Variants in NRXN3 observed in about 807,000 individuals in gnomAD.
NRXN3 encodes neurexin III.
Under a neutral mutation model 137.6 loss-of-function variants are expected in NRXN3, and 32 were observed. That is an observed-to-expected ratio of 0.23 (90% CI 0.18 to 0.31). NRXN3 has a LOEUF of 0.31. NRXN3 is among the 10% of genes least tolerant of loss of function. The pLI, the probability that NRXN3 is intolerant of heterozygous loss-of-function variation, is 1.00. For synonymous variants in NRXN3, 798 were observed against 784.5 expected (o/e 1.02, Z -0.29); for missense variants, 1,574 against 2,062.5 (o/e 0.76, Z 4.59).
At chr14:79,590,416 TAAAAA>T (rs11419735) in intron 16 of NRXN3, among the ~76,000 whole-genome samples, 5 of 92,272 alleles carry the variant, frequency 5.4e-5, no homozygotes, top group South Asian at 4.7e-4. Context: ...TTTCTTTTGT[TAAAAA>T]AAAAAAAAAA....
intron 14 of NRXN3, among the ~76,000 whole-genome samples, chr14:78,982,604 ATAAAAT>A: frequency 6.6e-6 from 1 of 151,988 alleles, no homozygotes; most frequent in East Asian, 2.0e-4. Flanking sequence ...ACGCAGAAAA[ATAAAAT>A]TGTACCCTTT....
chr14:79,548,443 A>G (rs7145283), intron 16 of NRXN3, among the ~76,000 whole-genome samples: 26,547 of 152,094 alleles, frequency 0.17, 3,574 homozygotes, highest in African/African-American at 0.37. Flanking sequence ...TATCATTGAT[A>G]GACATTTGGG....
chr14:79,349,061 T>C (rs2093057212), intron 15 of NRXN3, among the ~76,000 whole-genome samples: 1 of 152,318 alleles, frequency 6.6e-6, no homozygotes, highest in East Asian at 1.9e-4. Context: ...TAAATTAGCA[T>C]GGATTGCCAT....
chr14:78,696,010 C>T (rs2152786510), intron 6 of NRXN3, among the ~76,000 whole-genome samples: 1 of 152,138 alleles, frequency 6.6e-6, no homozygotes, highest in Non-Finnish European at 1.5e-5. Flanking sequence ...GAGTCTTCCT[C>T]AAGGCTTTGG....
At chr14:78,288,819 T>C (rs1236721846) in intron 3 of NRXN3, among the ~76,000 whole-genome samples, 5 of 152,166 alleles carry the variant, frequency 3.3e-5, no homozygotes, top group African/African-American at 7.2e-5. Context: ...AGCTTGGGAA[T>C]ATGCTGGAGA....
intron 20 of NRXN3, among the ~76,000 whole-genome samples, chr14:79,847,892 T>C (rs1310566820): frequency 6.6e-6 from 1 of 152,092 alleles, no homozygotes; most frequent in Non-Finnish European, 1.5e-5. Context: ...TTTTTTTTTT[T>C]TTCATTTTGT....
chr14:78,185,282 G>A (rs137886271), intron 1 of NRXN3, among the ~76,000 whole-genome samples: 1 of 152,308 alleles, frequency 6.6e-6, no homozygotes, highest in Non-Finnish European at 1.5e-5. Context: ...CCTCCTGCCA[G>A]TGAAGGGAGT....
At chr14:79,079,792 A>G (rs1222175954) in intron 15 of NRXN3, among the ~76,000 whole-genome samples, 2 of 152,124 alleles carry the variant, frequency 1.3e-5, no homozygotes, top group African/African-American at 4.8e-5. Context: ...GTTCGAGACC[A>G]GTCTGACTAA....
chr14:79,709,561 A>G (rs1480777289), intron 19 of NRXN3, among the ~76,000 whole-genome samples: 1 of 152,120 alleles, frequency 6.6e-6, no homozygotes, highest in Admixed American at 6.5e-5. Context: ...GAAGGATGTG[A>G]ATGATTTTAA....
chr14:79,133,748 A>G (rs2057874246), intron 15 of NRXN3, among the ~76,000 whole-genome samples: 1 of 151,732 alleles, frequency 6.6e-6, no homozygotes, highest in African/African-American at 2.4e-5. Flanking sequence ...ACATGGTGAA[A>G]TCCTGTCTCT....
rs144713450 is a variant in NRXN3, at chr14:78,896,877, T to C, written c.2276-60365T>C. 5.9e-4 allele frequency among the ~76,000 whole-genome samples: 90 copies of C among 151,994 alleles called. No homozygotes were observed. In the East Asian group the frequency reaches 8.5e-3, roughly 14 times the overall value. On this transcript the variant is annotated intron_variant, in intron 10 of 20. Coordinates refer to ENST00000335750, the MANE Select transcript of NRXN3 (RefSeq NM_001330195.2). Reference sequence around the variant, plus strand: ...AAATGGTAGAACATAGTTAGAAAAGTAAATTGGGCAGAATTGGTGACAGGG... The same window carrying C: ...AAATGGTAGAACATAGTTAGAAAAGCAAATTGGGCAGAATTGGTGACAGGG...
chr14:78,847,915 G>A (rs1040432686), intron 10 of NRXN3, among the ~76,000 whole-genome samples: 1 of 152,078 alleles, frequency 6.6e-6, no homozygotes, highest in Non-Finnish European at 1.5e-5. Flanking sequence ...GAGGATTTAG[G>A]AAAGAACTAA....
At chr14:78,717,101 C>T (rs528946314) in intron 8 of NRXN3, among the ~76,000 whole-genome samples, 5 of 152,142 alleles carry the variant, frequency 3.3e-5, no homozygotes, top group Non-Finnish European at 7.3e-5. Flanking sequence ...TCTATGAAGA[C>T]AGTATAAAGG....
intron 6 of NRXN3, among the ~76,000 whole-genome samples, chr14:78,689,065 G>A (rs1427841349): frequency 6.6e-6 from 1 of 152,026 alleles, no homozygotes; most frequent in Non-Finnish European, 1.5e-5. Context: ...AAGAACTGTG[G>A]AATAAAGATA....
At chr14:79,587,313 GCTT>G (rs1215032167) in intron 16 of NRXN3, among the ~76,000 whole-genome samples, 1 of 152,112 alleles carries the variant, frequency 6.6e-6, no homozygotes, top group African/African-American at 2.4e-5. Context: ...GTTTCCTTTG[GCTT>G]CTTCTTGGAA....
At chr14:78,183,552 T>A (rs1217174483) in intron 1 of NRXN3, among the ~76,000 whole-genome samples, 2 of 152,170 alleles carry the variant, frequency 1.3e-5, no homozygotes, top group Non-Finnish European at 1.5e-5. Flanking sequence ...AATATTAAAT[T>A]CCTGAAAGGT....
At chr14:78,306,305 G>T (rs531144107) in intron 4 of NRXN3, among the ~76,000 whole-genome samples, 1 of 152,130 alleles carries the variant, frequency 6.6e-6, no homozygotes, top group East Asian at 1.9e-4. Context: ...CTCCTCTAAG[G>T]TATGAATAAT....
chr14:78,506,631 T>G (rs921757421), intron 4 of NRXN3, among the ~76,000 whole-genome samples: 1 of 149,136 alleles, frequency 6.7e-6, no homozygotes, highest in Non-Finnish European at 1.5e-5. Context: ...TAATATCTCA[T>G]ATCTCATTGT....
intron 15 of NRXN3, among the ~76,000 whole-genome samples, chr14:79,019,481 A>G (rs1201600101): frequency 2.6e-5 from 4 of 152,180 alleles, no homozygotes; most frequent in Non-Finnish European, 4.4e-5. Context: ...AAAGCAGGGT[A>G]AGGAGAGAAA....
Sources: allele counts gnomAD v4.1 joint callset (sites outside exome capture counted in the v4.1 genomes callset), GRCh38; gene constraint gnomAD v4.1.1; transcripts MANE v1.5; gene names NCBI Gene and HGNC (gene_info 2026-07-23, HGNC 2026-07-21).